The following SNRNP70 variants were observed in gnomAD, a reference collection of about 807,000 sequenced individuals.
SNRNP70 encodes the protein small nuclear ribonucleoprotein U1 subunit 70, also known as U1 small nuclear ribonucleoprotein 70 kDa.
In SNRNP70, 8 loss-of-function variants were observed where a neutral mutation model predicts 50.5. That is an observed-to-expected ratio of 0.16 (90% CI 0.09 to 0.29). The LOEUF is 0.29. Ranked by LOEUF, SNRNP70 falls within the 10% of genes least tolerant of loss-of-function variation. The probability of loss-of-function intolerance (pLI) is 1.00; values close to 1 mark genes in which losing one functional copy is unlikely to be tolerated. For synonymous variants in SNRNP70, 320 were observed against 252.9 expected (o/e 1.27, Z -2.52); for missense variants, 529 against 663.5 (o/e 0.80, Z 2.23).
At chr19:49,094,664 G>A (rs2040490543) in intron 4 of SNRNP70, among the ~76,000 whole-genome samples, 1 of 152,168 alleles carries the variant, frequency 6.6e-6, no homozygotes, top group South Asian at 2.1e-4. Flanking sequence ...GTTCAGTAGG[G>A]TTTCTGTGCC....
At chr19:49,089,092 T>G (rs1403816295) in intron 2 of SNRNP70, among the ~76,000 whole-genome samples, 1 of 152,242 alleles carries the variant, frequency 6.6e-6, no homozygotes, top group African/African-American at 2.4e-5. Flanking sequence ...GTACCAGTGC[T>G]TTTCAAACTG....
chr19:49,105,131 G>A (rs542302010), intron 8 of SNRNP70, among the ~76,000 whole-genome samples: 7 of 152,194 alleles, frequency 4.6e-5, no homozygotes, highest in Admixed American at 2.0e-4. Flanking sequence ...TGCTTCTGCT[G>A]CTTGCTGTTG....
At chr19:49,092,346 A>G (rs2040457230) in intron 4 of SNRNP70, among the ~76,000 whole-genome samples, 1 of 150,878 alleles carries the variant, frequency 6.6e-6, no homozygotes, top group African/African-American at 2.4e-5. Context: ...TGACCTTGTG[A>G]TCTGCCCACC....
intron 2 of SNRNP70, among the ~76,000 whole-genome samples, chr19:49,088,065 AT>A (rs1177120535): frequency 6.9e-6 from 1 of 145,098 alleles, no homozygotes; most frequent in South Asian, 2.2e-4. Flanking sequence ...CTAATTTTGT[AT>A]TTTTAGTAGA....
intron 4 of SNRNP70, among the ~76,000 whole-genome samples, chr19:49,092,688 C>T (rs911173346): frequency 4.6e-5 from 7 of 152,266 alleles, no homozygotes; most frequent in Middle Eastern, 3.4e-3. Flanking sequence ...GGATTACAGG[C>T]ATGAGCCACC....
At position 49,090,156 on chromosome 19, in the gene SNRNP70, CAG is replaced by C. The variant is rs2040430425; in HGVS notation, c.148-134_148-133del. The C allele has an allele frequency of 9.6e-6, 7 of 729,396 alleles. No individual in the cohort carries two copies. In the South Asian group the frequency reaches 9.7e-5, roughly 10 times the overall value. 45.2% of individuals were successfully genotyped at this position (729,396 alleles called of 1,614,324 possible). A position where few individuals can be genotyped will look rare whatever the true frequency, so the allele number is the denominator to read the frequency against. On this transcript the variant is annotated intron_variant, in intron 2 of 9. Transcript: ENST00000598441. ...TGCCACTCCCCTCCCTCCACTGTGT[CAG>C]GGGAAGTGTGCGTGGATGTTTATTT...
At chr19:49,096,392 T>C (rs1186047587) in intron 4 of SNRNP70, among the ~76,000 whole-genome samples, 1 of 152,124 alleles carries the variant, frequency 6.6e-6, no homozygotes, top group Non-Finnish European at 1.5e-5. Flanking sequence ...GAGAGAACGC[T>C]GAGATGGAGT....
At chr19:49,094,549 C>T (rs1600277977) in intron 4 of SNRNP70, among the ~76,000 whole-genome samples, 1 of 152,084 alleles carries the variant, frequency 6.6e-6, no homozygotes, top group South Asian at 2.1e-4. Context: ...AGTCCGTCCA[C>T]GTGTTGATAA....
At position 49,107,216 on chromosome 19, in the gene SNRNP70, G is replaced by C. The variant is rs375100728; in HGVS notation, c.578-409G>C. 2.0e-5 allele frequency among the ~76,000 whole-genome samples: 3 copies of C among 152,332 alleles called. No individual in the cohort carries two copies. The highest frequency in any genetic ancestry group is 3.9e-4 in the East Asian group (2 of 5,172). On this transcript the variant is annotated intron_variant, in intron 8 of 9. Transcript: ENST00000598441. This position sits in a 1 kb window ranked among gnomAD's most constrained non-coding sequence, Gnocchi z 6.0. ...CTTGCTGCCTCTACCACCAGTTGAC[G>C]AGGAGTTTGGACCTTAGGCTGGGGG...
At chr19:49,106,319 A>G (rs1228984869) in intron 8 of SNRNP70, among the ~76,000 whole-genome samples, 3 of 152,240 alleles carry the variant, frequency 2.0e-5, no homozygotes, top group African/African-American at 7.2e-5. Context: ...GTGTTAGCCA[A>G]TAACATCTTG....
rs1205534764 is a variant in SNRNP70, at chr19:49,107,198, C to T, written c.578-427C>T. On this transcript the variant is annotated intron_variant, in intron 8 of 9. Transcript: ENST00000598441. This position sits in a 1 kb window ranked among gnomAD's most constrained non-coding sequence, Gnocchi z 6.0. ...ACGCTAGCAGGGCCCGCTCTTGCTG[C>T]CTCTACCACCAGTTGACGAGGAGTT... is the stretch of plus-strand genomic sequence containing the variant. Among the ~76,000 whole-genome samples the T allele has an allele frequency of 6.6e-6, 1 of 152,152 alleles. No homozygotes were observed. Among genetic ancestry groups the T allele is most frequent in the Non-Finnish European group, 1.5e-5 (1 of 68,026 alleles).
intron 4 of SNRNP70, among the ~76,000 whole-genome samples, chr19:49,095,758 C>T (rs1466405592): frequency 6.6e-6 from 1 of 151,902 alleles, no homozygotes; most frequent in Admixed American, 6.6e-5. Flanking sequence ...AACTCTTGGT[C>T]ACAAGTGATC....
intron 5 of SNRNP70, 29 bp downstream of exon 5, chr19:49,098,520 C>A: frequency 6.2e-7 from 1 of 1,606,398 alleles, no homozygotes; most frequent in Non-Finnish European, 8.5e-7. Flanking sequence ...GCTCCTGGAA[C>A]CCCACGCTGC....
At chr19:49,086,134 C>T (rs1241217154) in intron 1 of SNRNP70, among the ~76,000 whole-genome samples, 1 of 152,214 alleles carries the variant, frequency 6.6e-6, no homozygotes, top group Non-Finnish European at 1.5e-5. Flanking sequence ...AACCTCTCCG[C>T]CCCACAGCTC....
intron 1 of SNRNP70, among the ~76,000 whole-genome samples, chr19:49,086,093 G>C (rs923232377): frequency 1.3e-5 from 2 of 152,016 alleles, no homozygotes; most frequent in African/African-American, 2.4e-5. Context: ...CTCCCTCCTC[G>C]GGTCCTTGAT....
In SNRNP70 at chr19:49,105,586, G is replaced by C. The variant is rs538155634; in HGVS notation, c.577+851G>C. 1.1e-3 allele frequency among the ~76,000 whole-genome samples: 167 copies of C among 152,244 alleles called. 1 individual carries two copies. The highest frequency in any genetic ancestry group is 3.7e-3 in the African/African-American group (155 of 41,546). On this transcript the variant is annotated intron_variant, in intron 8 of 9. Coordinates refer to ENST00000598441, the MANE Select transcript of SNRNP70 (RefSeq NM_003089.6). ...TACTAAAAATACAAAAATTAACTGG[G>C]CGTGGTGGCGGGTGCCTGTAATCCC...
intron 2 of SNRNP70, among the ~76,000 whole-genome samples, chr19:49,087,405 G>A (rs2040395962): frequency 6.6e-6 from 1 of 152,166 alleles, no homozygotes; most frequent in African/African-American, 2.4e-5. Flanking sequence ...CAAACTGTAT[G>A]TCAGGGGGCT....
chr19:49,102,316 C>T (rs1360786736), intron 7 of SNRNP70: 1 of 441,144 alleles, frequency 2.3e-6, no homozygotes, highest in Admixed American at 2.7e-5. Flanking sequence ...TGGCCCTTTC[C>T]TTGTTTGGGT....
chr19:49,104,614 C>T lies in SNRNP70; in HGVS notation c.476-20C>T, dbSNP rs1221787850. On this transcript the variant is annotated intron_variant, in intron 7 of 9. Coordinates refer to ENST00000598441, the MANE Select transcript of SNRNP70 (RefSeq NM_003089.6). This position sits in a 1 kb window ranked among gnomAD's most constrained non-coding sequence, Gnocchi z 5.4. ...CCTCTGGGGACTCCTCTCCCCTCCCCCTCCCCACATCTGTTACAGCCGCTT... is the reference window on the plus strand; with the variant it reads ...CCTCTGGGGACTCCTCTCCCCTCCCTCTCCCCACATCTGTTACAGCCGCTT... The T allele has an allele frequency of 6.5e-7, 1 of 1,543,100 alleles. No homozygotes were observed. The highest frequency in any genetic ancestry group is 1.2e-5 in the South Asian group (1 of 83,922).
Sources: gnomAD v4.1 joint callset for allele counts (sites outside exome capture counted in the v4.1 genomes callset) on GRCh38, gnomAD v4.1.1 for gene constraint, Gnocchi (gnomAD v3.1) non-coding constraint, MANE v1.5 for transcripts, NCBI Gene and HGNC (gene_info 2026-07-23, HGNC 2026-07-21) for gene names.